Variants in SCN8A observed in about 807,000 individuals in gnomAD.
SCN8A encodes sodium voltage-gated channel alpha subunit 8, also known as sodium channel protein type 8 subunit alpha.
A neutral mutation model predicts 184.1 loss-of-function variants in SCN8A; 30 were observed. That is an observed-to-expected ratio of 0.16 (90% CI 0.12 to 0.22). SCN8A has a LOEUF of 0.22. Ranked by LOEUF, SCN8A falls within the 10% of genes least tolerant of loss-of-function variation. The pLI is 1.00. For synonymous variants in SCN8A, 852 were observed against 907.0 expected (o/e 0.94, Z 1.09); for missense variants, 1,057 against 2,498.9 (o/e 0.42, Z 12.30).
At chr12:51,709,250 G>A (rs992228587) in intron 11 of SCN8A, among the ~76,000 whole-genome samples, 3 of 152,168 alleles carry the variant, frequency 2.0e-5, no homozygotes, top group Non-Finnish European at 4.4e-5. Context: ...TTTAGACAAG[G>A]ATAGGCAAAT....
At chr12:51,686,980 T>G in intron 4 of SCN8A, 111 bp from the exon 5 acceptor site, 1 of 1,099,962 alleles carries the variant, frequency 9.1e-7, no homozygotes, top group South Asian at 1.3e-5. Flanking sequence ...GCTGTGCCCT[T>G]TCTGTTTTGT....
At position 51,745,938 on chromosome 12, in the gene SCN8A, T is replaced by C; in HGVS notation, c.2034T>C (p.Pro678=). The C allele has an allele frequency of 6.2e-7, 1 of 1,606,038 alleles. No individual in the cohort carries two copies. The highest frequency in any genetic ancestry group is 8.5e-7 in the Non-Finnish European group (1 of 1,177,116). The part of the protein sequence containing the change: ...TTEVEIKKKG[P]GSLLVSMDQL... ...AGGTGGAAATTAAGAAGAAAGGCCC[T>C]GGATCTCTTTTAGTTTCCATGGACC... The change falls in exon 13 of 27, where the codon CCT becomes CCC. Residue 678 remains proline (P), a synonymous_variant. Coordinates refer to ENST00000627620, the MANE Select transcript of SCN8A (RefSeq NM_001330260.2).
At position 51,732,254 on chromosome 12, in the gene SCN8A, A is replaced by G. The variant is rs554401091; in HGVS notation, c.1998+10346A>G. ...TTTGATTTCATTTTTGTACATGGTG[A>G]AAGACAGGGGACTAGTTTCATTCTT... On this transcript the variant is annotated intron_variant, in intron 12 of 26. Transcript: ENST00000627620. Among the ~76,000 whole-genome samples, 9 of 152,300 alleles carry G rather than the reference A, an allele frequency of 5.9e-5. No individual in the cohort carries two copies. In the East Asian group the frequency reaches 1.7e-3, roughly 29 times the overall value.
At chr12:51,796,208 A>C (rs1222491321) in intron 26 of SCN8A, among the ~76,000 whole-genome samples, 1 of 152,196 alleles carries the variant, frequency 6.6e-6, no homozygotes, top group Non-Finnish European at 1.5e-5. Flanking sequence ...AATCCTCTCA[A>C]CAAACCTCTA....
chr12:51,782,681 A>G (rs1183178783), intron 21 of SCN8A, among the ~76,000 whole-genome samples: 2 of 151,968 alleles, frequency 1.3e-5, no homozygotes, highest in Non-Finnish European at 2.9e-5. Context: ...CATTACTGTC[A>G]CTCCTGTCCA....
Position 51,721,919 on chromosome 12 carries a change from A to T in SCN8A, c.1998+11A>T. Reference sequence around the variant, plus strand: ...CGTCTCCTGCCAGAGGTGAAAATTGATAAGGCAGCTACCGATGACAGTGTA... The same window carrying T: ...CGTCTCCTGCCAGAGGTGAAAATTGTTAAGGCAGCTACCGATGACAGTGTA... On this transcript the variant is annotated intron_variant, in intron 12 of 26. Coordinates refer to ENST00000627620, the MANE Select transcript of SCN8A (RefSeq NM_001330260.2). The T allele has an allele frequency of 6.3e-7, 1 of 1,599,744 alleles. No homozygotes were observed. The highest frequency in any genetic ancestry group is 8.5e-7 in the Non-Finnish European group (1 of 1,179,786).
At chr12:51,732,167 C>G (rs1204747660) in intron 12 of SCN8A, among the ~76,000 whole-genome samples, 4 of 152,098 alleles carry the variant, frequency 2.6e-5, no homozygotes, top group Admixed American at 2.0e-4. Context: ...TGGAGAGTTT[C>G]CTCAATGTTG....
At chr12:51,751,643 T>C in intron 14 of SCN8A, 50 bp downstream of exon 14, 1 of 1,387,718 alleles carries the variant, frequency 7.2e-7, no homozygotes. Flanking sequence ...GTGTTTTGCC[T>C]GTAGGATATC....
At chr12:51,593,038 G>GAATC (rs1269364584) in intron 1 of SCN8A, among the ~76,000 whole-genome samples, 4 of 152,102 alleles carry the variant, frequency 2.6e-5, no homozygotes, top group Admixed American at 6.5e-5. Flanking sequence ...AATCTTGGGG[G>GAATC]AATCAGACTT....
In SCN8A at chr12:51,806,361, G is replaced by A. The variant is rs775692131; in HGVS notation, c.4875G>A (p.Gly1625=). 6.3e-7 allele frequency: 1 copy of A among 1,592,498 alleles called. No individual in the cohort carries two copies. The highest frequency in any genetic ancestry group is 1.1e-5 in the South Asian group (1 of 87,638). The change falls in exon 27 of 27, where the codon GGG becomes GGA. Residue 1625 remains glycine (G), a synonymous_variant. Transcript: ENST00000627620. The surrounding 1 kb of genome is among the most constrained non-coding windows in gnomAD (Gnocchi z 8.7). ...LFRVIRLARI[G]RILRLIKGAK... Reference sequence around the variant, plus strand: ...GAGTCATCCGATTGGCCCGTATTGGGCGCATCTTGCGTCTGATCAAAGGCG... The same window carrying A: ...GAGTCATCCGATTGGCCCGTATTGGACGCATCTTGCGTCTGATCAAAGGCG...
intron 26 of SCN8A, among the ~76,000 whole-genome samples, chr12:51,802,522 G>A (rs571552963): frequency 6.6e-6 from 1 of 152,298 alleles, no homozygotes; most frequent in East Asian, 1.9e-4. Flanking sequence ...AGCCACTTGC[G>A]TGGTAAGAAC....
In SCN8A at chr12:51,600,647, A is replaced by G. The variant is rs146588017; in HGVS notation, c.-55+9288A>G. Among the ~76,000 whole-genome samples, 483 of 152,338 alleles carry G rather than the reference A, an allele frequency of 3.2e-3. 4 individuals carry two copies. The highest frequency in any genetic ancestry group is 0.011 in the African/African-American group (457 of 41,576). On this transcript the variant is annotated intron_variant, in intron 1 of 26. Coordinates refer to ENST00000627620, the MANE Select transcript of SCN8A (RefSeq NM_001330260.2). The stretch of plus-strand genomic sequence containing the variant: ...TGAGTATACAGTGGTAACTTAGAGC[A>G]AAGGCAGAACTCAGGGAGCTTGGGT...
chr12:51,735,895 C>T (rs905174583), intron 12 of SCN8A, among the ~76,000 whole-genome samples: 9 of 152,296 alleles, frequency 5.9e-5, no homozygotes, highest in South Asian at 2.1e-4. Context: ...TTACCTATTT[C>T]GCACCTTTTT....
intron 15 of SCN8A, 63 bp downstream of exon 15, chr12:51,762,739 T>C (rs1942780891): frequency 2.2e-6 from 3 of 1,367,520 alleles, no homozygotes; most frequent in Non-Finnish European, 2.9e-6. Flanking sequence ...GAAAGAGTTC[T>C]GCATAAATTA....
chr12:51,668,304 A>T (rs4761997), intron 2 of SCN8A, among the ~76,000 whole-genome samples: 1 of 152,104 alleles, frequency 6.6e-6, no homozygotes, highest in East Asian at 1.9e-4. Context: ...TTATAATTTG[A>T]TAGCCTTAGA....
chr12:51,668,252 T>G (rs1941071094), intron 2 of SCN8A, among the ~76,000 whole-genome samples: 1 of 152,120 alleles, frequency 6.6e-6, no homozygotes, highest in African/African-American at 2.4e-5. Flanking sequence ...CAGGTGTACC[T>G]TTTTCTGCAA....
chr12:51,645,764 TAAG>T (rs1178164832), intron 1 of SCN8A, among the ~76,000 whole-genome samples: 1 of 147,608 alleles, frequency 6.8e-6, no homozygotes, highest in Non-Finnish European at 1.5e-5. Flanking sequence ...GCATGCTCCT[TAAG>T]AGTCATCACC....
chr12:51,678,923 A>G (rs1403087880), intron 2 of SCN8A, among the ~76,000 whole-genome samples: 5 of 151,904 alleles, frequency 3.3e-5, no homozygotes, highest in Non-Finnish European at 5.9e-5. Flanking sequence ...TAAAAATACA[A>G]AAATTAGCTG....
intron 1 of SCN8A, among the ~76,000 whole-genome samples, chr12:51,625,418 G>A (rs1458036202): frequency 1.3e-5 from 2 of 152,154 alleles, no homozygotes; most frequent in African/African-American, 2.4e-5. Context: ...TCAGTCACCT[G>A]TCAAAAGACG....
Sources: allele counts gnomAD v4.1 joint callset (sites outside exome capture counted in the v4.1 genomes callset), GRCh38; gene constraint gnomAD v4.1.1; non-coding constraint Gnocchi (gnomAD v3.1); transcripts MANE v1.5; gene names NCBI Gene and HGNC (gene_info 2026-07-23, HGNC 2026-07-21).